Variants in FRMD5 observed in about 807,000 individuals in gnomAD.
The protein encoded by FRMD5 is FERM domain-containing protein 5.
FRMD5 carries 20 observed loss-of-function variants against 69.0 expected under a neutral mutation model. The ratio of observed to expected loss-of-function variants is 0.29; its 90% CI spans 0.20 to 0.42. FRMD5 has a LOEUF of 0.42. FRMD5 is among the 10% of genes least tolerant of loss of function. The pLI is 1.00. For synonymous variants in FRMD5, 271 were observed against 260.1 expected (o/e 1.04, Z -0.40); for missense variants, 595 against 708.6 (o/e 0.84, Z 1.82).
chr15:43,919,572 T>G, intron 3 of FRMD5, 35 bp from the exon 4 acceptor site: 2 of 1,603,444 alleles, frequency 1.2e-6, no homozygotes, highest in Non-Finnish European at 1.7e-6. Context: ...CAGGGAAGAC[T>G]CTCACCCAGA....
At chr15:44,194,709 A>C in intron 1 of FRMD5, 23 of 557,368 alleles carry the variant, frequency 4.1e-5, no homozygotes, top group East Asian at 1.9e-4. Flanking sequence ...AGAGCAGGGT[A>C]GGACTTAGGG....
intron 1 of FRMD5, among the ~76,000 whole-genome samples, chr15:44,025,376 A>G (rs1177401196): frequency 1.3e-5 from 2 of 152,202 alleles, no homozygotes; most frequent in African/African-American, 4.8e-5. Flanking sequence ...TTAGATATTG[A>G]TAAGAAGGAT....
chr15:44,012,865 C>G (rs892169769), intron 1 of FRMD5, among the ~76,000 whole-genome samples: 6 of 147,560 alleles, frequency 4.1e-5, no homozygotes, highest in African/African-American at 1.5e-4. Context: ...TTCCCCGGTT[C>G]AAGGGATTCT....
At chr15:43,970,524 C>T (rs1265278353) in intron 1 of FRMD5, among the ~76,000 whole-genome samples, 1 of 152,206 alleles carries the variant, frequency 6.6e-6, no homozygotes, top group Non-Finnish European at 1.5e-5. Context: ...GGCTGGAGTG[C>T]AGTGGTATGA....
chr15:44,099,146 T>C (rs966411903), intron 1 of FRMD5, among the ~76,000 whole-genome samples: 1 of 152,212 alleles, frequency 6.6e-6, no homozygotes, highest in African/African-American at 2.4e-5. Flanking sequence ...TTCTAGTAAG[T>C]TCACAGTCAT....
intron 1 of FRMD5, among the ~76,000 whole-genome samples, chr15:44,094,043 A>G (rs114917741): frequency 0.011 from 1,720 of 152,234 alleles, 23 homozygotes; most frequent in African/African-American, 0.039. Context: ...CTCCAGAAAC[A>G]TATGGACTCT....
intron 1 of FRMD5, among the ~76,000 whole-genome samples, chr15:44,009,326 T>C (rs1471983105): frequency 6.6e-6 from 1 of 152,150 alleles, no homozygotes; most frequent in Admixed American, 6.5e-5. Flanking sequence ...GGGGAACCTT[T>C]GTAGGAGTGA....
chr15:44,018,855 G>A (rs529921115), intron 1 of FRMD5, among the ~76,000 whole-genome samples: 2 of 152,250 alleles, frequency 1.3e-5, no homozygotes, highest in African/African-American at 4.8e-5. Flanking sequence ...ATAGCTAAGA[G>A]GGAGAGAGAT....
chr15:44,067,364 G>C (rs900742189), intron 1 of FRMD5, among the ~76,000 whole-genome samples: 1 of 152,182 alleles, frequency 6.6e-6, no homozygotes, highest in Non-Finnish European at 1.5e-5. Flanking sequence ...ATAAAAAATA[G>C]TTAAAATGGT....
intron 12 of FRMD5, 74 bp downstream of exon 12, chr15:43,884,653 A>G: frequency 7.3e-7 from 1 of 1,373,620 alleles, no homozygotes; most frequent in Non-Finnish European, 1.0e-6. Context: ...GGGGCTTCAC[A>G]GTACTCAAAC....
At chr15:44,160,300 G>A (rs1165964685) in intron 1 of FRMD5, among the ~76,000 whole-genome samples, 1 of 152,214 alleles carries the variant, frequency 6.6e-6, no homozygotes, top group Non-Finnish European at 1.5e-5. Flanking sequence ...AGGTTGCAGT[G>A]AGCCGAGATG....
intron 1 of FRMD5, among the ~76,000 whole-genome samples, chr15:44,034,054 G>T (rs1891803874): frequency 6.6e-6 from 1 of 152,206 alleles, no homozygotes; most frequent in Non-Finnish European, 1.5e-5. Flanking sequence ...AAGACTCCAG[G>T]AGTCTGCCCA....
At chr15:44,121,345 A>T (rs532253025) in intron 1 of FRMD5, among the ~76,000 whole-genome samples, 1 of 152,040 alleles carries the variant, frequency 6.6e-6, no homozygotes, top group East Asian at 1.9e-4. Context: ...AAACAGCAAG[A>T]TATCCTTCAA....
intron 1 of FRMD5, among the ~76,000 whole-genome samples, chr15:44,160,217 G>A (rs1478265658): frequency 6.6e-6 from 1 of 152,180 alleles, no homozygotes; most frequent in Non-Finnish European, 1.5e-5. Context: ...AGCTGGGCGT[G>A]GTGCCACTTG....
intron 1 of FRMD5, among the ~76,000 whole-genome samples, chr15:44,078,309 C>A (rs1205706483): frequency 1.3e-5 from 2 of 152,042 alleles, no homozygotes; most frequent in African/African-American, 4.8e-5. Flanking sequence ...TCAGACCCTG[C>A]CATTTATCCT....
intron 1 of FRMD5, among the ~76,000 whole-genome samples, chr15:44,126,022 A>T (rs1456953618): frequency 6.6e-6 from 1 of 152,250 alleles, no homozygotes; most frequent in Non-Finnish European, 1.5e-5. Flanking sequence ...CCACAGAGTT[A>T]TGATCAGATA....
rs185343060 is a variant in FRMD5 at position 44,097,273 on chromosome 15, A to G, written c.102+97680T>C. 4.1e-3 allele frequency among the ~76,000 whole-genome samples: 621 copies of G among 152,358 alleles called. 4 individuals are homozygous for G. The highest frequency in any genetic ancestry group is 5.7e-3 in the Non-Finnish European group (388 of 68,038). The stretch of plus-strand genomic sequence containing the variant: ...AAAGTAAACCTAAGGGGAGAAAAAA[A>G]CAGCTACCCTCACCTGTAGGAACAG... On this transcript the variant is annotated intron_variant, in intron 1 of 13. Coordinates refer to ENST00000417257, the MANE Select transcript of FRMD5 (RefSeq NM_032892.5).
rs371915126 is a variant in FRMD5, at chr15:44,162,867, CAAAAAAAAAAAA to C, written c.102+32074_102+32085del. On this transcript the variant is annotated intron_variant, in intron 1 of 13. Coordinates refer to ENST00000417257, the MANE Select transcript of FRMD5 (RefSeq NM_032892.5). ...GGGCAACGAGAGCGAAACTCCGTCT[CAAAAAAAAAAAA>C]AAAAAAAAAACAAGGCTGGGCGCGG... Among the ~76,000 whole-genome samples, 8 of 37,292 alleles carry C rather than the reference CAAAAAAAAAAAA, an allele frequency of 2.1e-4. No homozygotes were observed. In the South Asian group the frequency reaches 2.5e-3, roughly 11 times the overall value. The allele number at this position is 37,292 out of a possible 152,430, so 24.5% of individuals were successfully genotyped here.
At chr15:44,194,040 C>T (rs1443321866) in intron 1 of FRMD5, among the ~76,000 whole-genome samples, 1 of 152,174 alleles carries the variant, frequency 6.6e-6, no homozygotes. Context: ...GAACTAAACA[C>T]GGGAGCATTG....
Sources: gnomAD v4.1 joint callset for allele counts (sites outside exome capture counted in the v4.1 genomes callset) on GRCh38, gnomAD v4.1.1 for gene constraint, MANE v1.5 for transcripts, NCBI Gene and HGNC (gene_info 2026-07-23, HGNC 2026-07-21) for gene names.